Variants in KAT6B observed in about 807,000 individuals in gnomAD.
KAT6B encodes histone acetyltransferase KAT6B.
A neutral mutation model predicts 187.5 loss-of-function variants in KAT6B; 10 were observed. That is an observed-to-expected ratio of 0.05 (90% CI 0.03 to 0.09). KAT6B has a LOEUF of 0.09. Ranked by LOEUF, KAT6B falls within the 10% of genes least tolerant of loss-of-function variation. KAT6B has a pLI of 1.00. For synonymous variants in KAT6B, 861 were observed against 926.8 expected (o/e 0.93, Z 1.29); for missense variants, 1,952 against 2,558.9 (o/e 0.76, Z 5.12).
rs1207615445 is a variant in KAT6B at position 74,894,087 on chromosome 10, C to T, written c.621+50609C>T. On this transcript the variant is annotated intron_variant, in intron 3 of 17. Transcript: ENST00000287239. ...TTGCAGCCTTTAATCATATTTTTCT[C>T]TCTTTTTTCCCTTGAGACGGAGTCT... Among the ~76,000 whole-genome samples, 8 of 152,264 alleles carry T rather than the reference C, an allele frequency of 5.3e-5. No homozygotes were observed. In the East Asian group the frequency reaches 1.5e-3, roughly 29 times the overall value.
intron 17 of KAT6B, among the ~76,000 whole-genome samples, chr10:75,026,907 AG>A (rs1845891625): frequency 2.0e-5 from 3 of 152,246 alleles, no homozygotes; most frequent in Admixed American, 2.0e-4. Flanking sequence ...CGGCCGAGGT[AG>A]GCAGATCACC....
Position 74,972,633 on chromosome 10 carries a change from G to A in KAT6B, c.1055G>A (p.Arg352Gln), listed in dbSNP as rs1397525828. 7 of 1,612,840 alleles carry A rather than the reference G, an allele frequency of 4.3e-6. No individual in the cohort carries two copies. Among genetic ancestry groups the A allele is most frequent in the East Asian group, 4.5e-5 (2 of 44,858 alleles). ...IGRPKNKLKQ[R>Q]LLSVTSDEGS... ...CGACCGAAAAATAAATTAAAGCAAC[G>A]ATTGTTGTAGGTTGAGATCTTATCA... The change falls in exon 7 of 18, where the codon CGA becomes CAA. Residue 352 changes from arginine to glutamine, a missense_variant. By Grantham distance (43) the Arg-to-Gln change is conservative. Transcript: ENST00000287239.
intron 13 of KAT6B, among the ~76,000 whole-genome samples, chr10:75,007,340 G>A (rs1222704239): frequency 2.6e-5 from 4 of 152,110 alleles, no homozygotes; most frequent in African/African-American, 9.7e-5. Flanking sequence ...GCAAGTAGGA[G>A]ATCAGCAAAA....
chr10:74,976,789 T>G, intron 8 of KAT6B: 1 of 288,186 alleles, frequency 3.5e-6, no homozygotes, highest in Non-Finnish European at 6.7e-6. Context: ...TGCTTCCGTC[T>G]CAGCAAAGCC....
intron 17 of KAT6B, among the ~76,000 whole-genome samples, chr10:75,027,447 T>G (rs1185473102): frequency 6.6e-6 from 1 of 152,198 alleles, no homozygotes; most frequent in Non-Finnish European, 1.5e-5. Flanking sequence ...GATCTTATTT[T>G]TATTCTCCAA....
intron 13 of KAT6B, among the ~76,000 whole-genome samples, chr10:75,004,313 T>C (rs1844058196): frequency 6.6e-6 from 1 of 152,146 alleles, no homozygotes; most frequent in Non-Finnish European, 1.5e-5. Flanking sequence ...TAAAGGATTG[T>C]TGGGGGAAAT....
intron 4 of KAT6B, among the ~76,000 whole-genome samples, chr10:74,966,753 G>A (rs117531079): frequency 2.6e-3 from 401 of 152,340 alleles, no homozygotes; most frequent in Non-Finnish European, 4.6e-3. Context: ...TTAGCTGGAC[G>A]TGGTGGGGTG....
In KAT6B at chr10:74,966,765, G is replaced by A. The variant is rs192187772; in HGVS notation, c.731-2895G>A. On this transcript the variant is annotated intron_variant, in intron 4 of 17. Transcript: ENST00000287239. ...AAATTAGCTGGACGTGGTGGGGTGTGTCAGTAGTCCCAGCACTTTGGGAGG... is the reference window on the plus strand; with the variant it reads ...AAATTAGCTGGACGTGGTGGGGTGTATCAGTAGTCCCAGCACTTTGGGAGG... Among the ~76,000 whole-genome samples, 110 of 152,304 alleles carry A rather than the reference G, an allele frequency of 7.2e-4. 1 individual carries two copies. In the East Asian group the frequency reaches 0.021, roughly 29 times the overall value.
chr10:74,931,480 T>C (rs562844044), intron 3 of KAT6B, among the ~76,000 whole-genome samples: 1 of 152,356 alleles, frequency 6.6e-6, no homozygotes, highest in Admixed American at 6.5e-5. Flanking sequence ...GATCCATCTA[T>C]ATAGCTTTAA....
At chr10:74,961,225 A>C (rs1027977877) in intron 4 of KAT6B, among the ~76,000 whole-genome samples, 1 of 152,234 alleles carries the variant, frequency 6.6e-6, no homozygotes, top group Non-Finnish European at 1.5e-5. Context: ...AATACATTTC[A>C]GCCCCACGAT....
chr10:74,829,499 C>CTGGAG (rs1443883635), intron 1 of KAT6B, among the ~76,000 whole-genome samples: 53 of 151,230 alleles, frequency 3.5e-4, no homozygotes, highest in South Asian at 1.0e-3. Context: ...GTTGCCCAGG[C>CTGGAG]TGGAGTGCAG....
intron 3 of KAT6B, among the ~76,000 whole-genome samples, chr10:74,846,842 A>G (rs544140965): frequency 2.0e-5 from 3 of 152,248 alleles, no homozygotes; most frequent in Non-Finnish European, 4.4e-5. Context: ...AAAAATATGT[A>G]CACTACCCTA....
intron 3 of KAT6B, among the ~76,000 whole-genome samples, chr10:74,863,897 A>G (rs891264881): frequency 5.3e-5 from 8 of 152,144 alleles, no homozygotes; most frequent in Non-Finnish European, 1.0e-4. Flanking sequence ...TTATCTGTTG[A>G]CTTCTTGCGA....
chr10:74,917,874 C>G (rs1489441698), intron 3 of KAT6B, among the ~76,000 whole-genome samples: 1 of 152,116 alleles, frequency 6.6e-6, no homozygotes, highest in African/African-American at 2.4e-5. Flanking sequence ...TGGCAAATCA[C>G]TTGATAGGAA....
intron 1 of KAT6B, among the ~76,000 whole-genome samples, chr10:74,830,748 A>ATATATATATATATG (rs1554912248): frequency 1.2e-3 from 23 of 19,052 alleles, no homozygotes; most frequent in African/African-American, 6.8e-3. Flanking sequence ...ATATATATAT[A>ATATATATATATATG]TATATATATA....
intron 3 of KAT6B, among the ~76,000 whole-genome samples, chr10:74,959,714 C>T (rs1055405582): frequency 5.3e-5 from 8 of 152,150 alleles, no homozygotes; most frequent in East Asian, 1.9e-4. Flanking sequence ...CGCTTGAACC[C>T]GGGAGGTGGA....
At chr10:74,928,812 G>C (rs1848666516) in intron 3 of KAT6B, among the ~76,000 whole-genome samples, 1 of 152,136 alleles carries the variant, frequency 6.6e-6, no homozygotes, top group Admixed American at 6.5e-5. Flanking sequence ...TTAGTTTTTA[G>C]ACAACAGTAA....
chr10:74,947,987 A>G (rs894289981), intron 3 of KAT6B, among the ~76,000 whole-genome samples: 5 of 152,178 alleles, frequency 3.3e-5, no homozygotes, highest in African/African-American at 1.2e-4. Flanking sequence ...CTCTGCCACA[A>G]AGGGGGTCTA....
chr10:74,827,062 CG>C (rs1442031403), intron 1 of KAT6B: 1 of 37,128 alleles, frequency 2.7e-5, no homozygotes, highest in Non-Finnish European at 5.4e-5. Context: ...GGGCGGGGTT[CG>C]GGGAGTCGGA....
Sources: gnomAD v4.1 joint callset for allele counts (sites outside exome capture counted in the v4.1 genomes callset) on GRCh38, gnomAD v4.1.1 for gene constraint, MANE v1.5 for transcripts, NCBI Gene and HGNC (gene_info 2026-07-23, HGNC 2026-07-21) for gene names.